Variants in HCLS1 observed in about 807,000 individuals in gnomAD.
The protein encoded by HCLS1 is hematopoietic cell-specific Lyn substrate 1.
HCLS1 carries 44 observed loss-of-function variants against 68.6 expected under a neutral mutation model. The observed-to-expected ratio is 0.64, with a 90% confidence interval of 0.50 to 0.82. HCLS1 has a LOEUF of 0.82. Among genes scored for constraint, HCLS1 ranks in the 40% least tolerant of loss-of-function variants. The probability of loss-of-function intolerance (pLI) is 0.00; values close to 1 mark genes in which losing one functional copy is unlikely to be tolerated. For missense variants in HCLS1, 602 were observed against 612.1 expected (o/e 0.98, Z 0.17); for synonymous variants, 217 against 225.8 (o/e 0.96, Z 0.35).
rs1437140638 is a variant in HCLS1, at chr3:121,631,667, T to C, written c.*179A>G. The C allele has an allele frequency of 1.6e-6, 1 of 619,444 alleles. No homozygotes were observed. The highest frequency in any genetic ancestry group is 2.8e-6 in the Non-Finnish European group (1 of 354,680). The allele number at this position is 619,444 out of a possible 1,614,324, so 38.4% of individuals were successfully genotyped here. Reference sequence around the variant, plus strand: ...AGCTCATCCAGGATAGAGAGGACTCTTGGGGAAGGGGACCTCCTTCCCCAT... The same window carrying C: ...AGCTCATCCAGGATAGAGAGGACTCCTGGGGAAGGGGACCTCCTTCCCCAT... On this transcript the variant is annotated 3_prime_UTR_variant, in exon 14 of 14. Transcript: ENST00000314583.
chr3:121,634,744 A>G (rs1231355403), intron 9 of HCLS1, among the ~76,000 whole-genome samples: 1 of 151,816 alleles, frequency 6.6e-6, no homozygotes. Flanking sequence ...CAATCCTCCT[A>G]CCTCAGCCTC....
At chr3:121,633,223 T>A in intron 10 of HCLS1, 52 bp from the exon 11 acceptor site, 1 of 1,018,120 alleles carries the variant, frequency 9.8e-7, no homozygotes, top group Non-Finnish European at 1.4e-6. Context: ...CTTCACTCCT[T>A]TTTTTTTTTT....
intron 1 of HCLS1, 34 bp downstream of exon 1, chr3:121,660,786 G>A (rs1286404704): frequency 2.0e-5 from 3 of 152,440 alleles, no homozygotes; most frequent in Admixed American, 6.5e-5. Context: ...CTTACTCTGT[G>A]TTTCCCAACT....
intron 11 of HCLS1, 92 bp from the exon 12 acceptor site, chr3:121,632,655 C>T: frequency 1.9e-6 from 2 of 1,033,318 alleles, no homozygotes; most frequent in Non-Finnish European, 2.9e-6. Flanking sequence ...CACCACCCTG[C>T]CTCTTCTCCC....
At position 121,647,316 on chromosome 3, in the gene HCLS1, T is replaced by C. The variant is rs1937635385; in HGVS notation, c.288+3A>G. 2 of 1,613,778 alleles carry C rather than the reference T, an allele frequency of 1.2e-6. No homozygotes were observed. Among genetic ancestry groups the C allele is most frequent in the Admixed American group, 1.7e-5 (1 of 59,974 alleles). On this transcript the variant is annotated splice_donor_region_variant and intron_variant, in intron 4 of 13. Transcript: ENST00000314583. ...TAAAGCAAATCTTTCCCTTTCAACT[T>C]ACCTTGTCCATTCGGTCTCTTTCTA... is the stretch of plus-strand genomic sequence containing the variant.
Position 121,647,388 on chromosome 3 carries a change from C to T in HCLS1, c.219G>A (p.Met73Ile). Residue 73 changes from methionine to isoleucine, a missense_variant, in exon 4 of 14, where the codon ATG becomes ATA. Coordinates refer to ENST00000314583, the MANE Select transcript of HCLS1 (RefSeq NM_005335.6). Reference sequence around the variant, plus strand: ...CATGGGATGCTTTGGGCCCTGACTCCATCTCTTTCTTCCTGAGAACATCAT... The same window carrying T: ...CATGGGATGCTTTGGGCCCTGACTCTATCTCTTTCTTCCTGAGAACATCAT... ...EEHDVLRKKE[M>I]ESGPKASHGY... 3 of 1,614,026 alleles carry T rather than the reference C, an allele frequency of 1.9e-6. No homozygotes were observed.
At chr3:121,640,968 T>C (rs1299845288) in intron 6 of HCLS1, among the ~76,000 whole-genome samples, 1 of 151,850 alleles carries the variant, frequency 6.6e-6, no homozygotes, top group Non-Finnish European at 1.5e-5. Context: ...AAAGGAAGAA[T>C]TAGTGAACTT....
At chr3:121,646,386 ATATTACTAT>A (rs61720715) in intron 4 of HCLS1, among the ~76,000 whole-genome samples, 22,558 of 89,384 alleles carry the variant, frequency 0.25, 2,280 homozygotes, top group East Asian at 0.48. Context: ...ACTATGTAAT[ATATTACTAT>A]GTAATATATT....
In HCLS1 at chr3:121,633,132, C is replaced by T. The variant is rs138443230; in HGVS notation, c.943G>A (p.Glu315Lys). The T allele has an allele frequency of 2.4e-5, 38 of 1,612,830 alleles. No individual in the cohort carries two copies. The East Asian group carries it at 6.2e-4, about 27-fold the overall frequency. Residue 315 changes from glutamate (E) to lysine (K), a missense_variant, in exon 11 of 14, where the codon GAG becomes AAG. Transcript: ENST00000314583. ...PVGTPPSSESEPVRTSREHPV... is the reference protein window; with the variant it reads ...PVGTPPSSESKPVRTSREHPV... ...TGTTCCCTGCTGGTTCTCACAGGCT[C>T]AGACTCTGATGATGGAGGAGTCCCA...
chr3:121,656,485 A>C (rs868220877), intron 3 of HCLS1, among the ~76,000 whole-genome samples: 1 of 152,164 alleles, frequency 6.6e-6, no homozygotes, highest in Non-Finnish European at 1.5e-5. Flanking sequence ...AGAGAAGGGG[A>C]TCTCTCAGCC....
intron 9 of HCLS1, among the ~76,000 whole-genome samples, chr3:121,634,992 T>C (rs1489199089): frequency 6.6e-6 from 1 of 152,058 alleles, no homozygotes; most frequent in Non-Finnish European, 1.5e-5. Flanking sequence ...CCCCTGTCCA[T>C]ATTCCATAAA....
At chr3:121,640,649 A>C (rs1391518553) in intron 6 of HCLS1, among the ~76,000 whole-genome samples, 1 of 151,640 alleles carries the variant, frequency 6.6e-6, no homozygotes, top group Non-Finnish European at 1.5e-5. Flanking sequence ...AAAATATCTG[A>C]TGTGGTGGCT....
intron 6 of HCLS1, among the ~76,000 whole-genome samples, chr3:121,642,590 AACATAGTGAG>A (rs2107467073): frequency 6.6e-6 from 1 of 152,276 alleles, no homozygotes; most frequent in African/African-American, 2.4e-5. Flanking sequence ...CTGCCTGGGC[AACATAGTGAG>A]ACTCCATCTC....
At chr3:121,646,369 T>TA (rs1419311191) in intron 4 of HCLS1, among the ~76,000 whole-genome samples, 1 of 65,424 alleles carries the variant, frequency 1.5e-5, no homozygotes, top group East Asian at 8.8e-4. Context: ...TTATATTACA[T>TA]ATTATTACTA....
At chr3:121,633,022 C>T (rs1267904453) in intron 11 of HCLS1, 45 bp downstream of exon 11, 18 of 1,358,854 alleles carry the variant, frequency 1.3e-5, no homozygotes, top group Non-Finnish European at 1.6e-5. Flanking sequence ...TCCTAAGACT[C>T]GAGAAGATGG....
chr3:121,658,309 G>A lies in HCLS1; in HGVS notation c.39C>T (p.Ser13=), dbSNP rs34065758. The part of the protein sequence containing the change: ...KSVVGHDVSV[S]VETQGDDWDT... The stretch of plus-strand genomic sequence containing the variant: ...CCCAATCATCACCCTGGGTCTCCAC[G>A]GAAACAGACACATCATGGCCCACTA... The change falls in exon 2 of 14, where the codon TCC becomes TCT. Residue 13 remains serine (S), a synonymous_variant. Transcript: ENST00000314583. 3.7e-3 allele frequency: 5,946 copies of A among 1,613,876 alleles called. 143 individuals carry two copies. The African/African-American group carries it at 0.065, about 18-fold the overall frequency.
chr3:121,657,960 G>A (rs1330784383), intron 2 of HCLS1: 5 of 334,476 alleles, frequency 1.5e-5, no homozygotes, highest in Non-Finnish European at 2.8e-5. Context: ...TGCCCAGCTT[G>A]AATCCTGGAT....
intron 3 of HCLS1, among the ~76,000 whole-genome samples, chr3:121,651,623 A>G (rs1937751227): frequency 6.6e-6 from 1 of 152,156 alleles, no homozygotes; most frequent in Non-Finnish European, 1.5e-5. Context: ...ATCTCTCCAC[A>G]TTGTCCAGAT....
intron 3 of HCLS1, among the ~76,000 whole-genome samples, chr3:121,651,156 A>C (rs745556331): frequency 5.9e-5 from 9 of 152,298 alleles, no homozygotes; most frequent in Admixed American, 2.0e-4. Flanking sequence ...ATCAATCAAT[A>C]AAGTGAAAAA....
Sources: gnomAD v4.1 joint callset for allele counts (sites outside exome capture counted in the v4.1 genomes callset) on GRCh38, gnomAD v4.1.1 for gene constraint, MANE v1.5 for transcripts, NCBI Gene and HGNC (gene_info 2026-07-23, HGNC 2026-07-21) for gene names.